CCDC83: variants seen among roughly 807,000 people sequenced by gnomAD.
The protein encoded by CCDC83 is coiled-coil domain-containing protein 83.
Under a neutral mutation model 50.1 loss-of-function variants are expected in CCDC83, and 54 were observed. The ratio of observed to expected loss-of-function variants is 1.08; its 90% CI spans 0.87 to 1.35. The LOEUF (loss-of-function observed/expected upper bound fraction) is 1.35. CCDC83 is among the 40% of genes most tolerant of loss of function. The pLI, the probability that CCDC83 is intolerant of heterozygous loss-of-function variation, is 0.00. For missense variants in CCDC83, 518 were observed against 473.9 expected, an observed-to-expected ratio of 1.09 and a Z score of -0.86; for synonymous variants, 161 against 153.3, an observed-to-expected ratio of 1.05 and a Z score of -0.37.
chr11:85,906,686 C>G (rs1247441031), intron 7 of CCDC83, among the ~76,000 whole-genome samples: 2 of 152,026 alleles, frequency 1.3e-5, no homozygotes, highest in Non-Finnish European at 2.9e-5. Flanking sequence ...TGAGACAAAC[C>G]TGGGCAATAT....
intron 3 of CCDC83, among the ~76,000 whole-genome samples, chr11:85,877,540 T>C (rs973487533): frequency 6.6e-6 from 1 of 152,224 alleles, no homozygotes; most frequent in South Asian, 2.1e-4. Context: ...TTGAAAAGAA[T>C]AGTCATTGTG....
chr11:85,869,721 A>G (rs2093226846), intron 2 of CCDC83, among the ~76,000 whole-genome samples: 1 of 152,234 alleles, frequency 6.6e-6, no homozygotes. Context: ...GTCAGATTCT[A>G]GGGCACTGAG....
chr11:85,869,421 C>T (rs926482051), intron 2 of CCDC83, among the ~76,000 whole-genome samples: 1 of 152,062 alleles, frequency 6.6e-6, no homozygotes, highest in African/African-American at 2.4e-5. Flanking sequence ...GATATAAAAA[C>T]ATGTGGGTAT....
At chr11:85,860,747 G>T (rs141366421) in intron 1 of CCDC83, among the ~76,000 whole-genome samples, 1 of 152,336 alleles carries the variant, frequency 6.6e-6, no homozygotes, top group African/African-American at 2.4e-5. Flanking sequence ...ATGCTAATCA[G>T]TGGTGGACTA....
chr11:85,901,756 C>T (rs915436650), intron 7 of CCDC83, among the ~76,000 whole-genome samples: 5 of 151,864 alleles, frequency 3.3e-5, no homozygotes, highest in African/African-American at 1.2e-4. Flanking sequence ...AGAACCAGAG[C>T]AGTGGCTCAC....
chr11:85,877,626 C>A (rs763295218), intron 3 of CCDC83, among the ~76,000 whole-genome samples: 14 of 151,986 alleles, frequency 9.2e-5, no homozygotes, highest in Non-Finnish European at 4.4e-5. Context: ...ACTAAAATTT[C>A]TTTGTATATT....
At chr11:85,880,534 C>T (rs985860936) in intron 3 of CCDC83, among the ~76,000 whole-genome samples, 12 of 152,046 alleles carry the variant, frequency 7.9e-5, no homozygotes, top group Admixed American at 5.9e-4. Flanking sequence ...CCTTGGCCTC[C>T]CAAAGTGCAG....
At chr11:85,873,902 G>A (rs1223707542) in intron 3 of CCDC83, among the ~76,000 whole-genome samples, 1 of 152,200 alleles carries the variant, frequency 6.6e-6, no homozygotes, top group Non-Finnish European at 1.5e-5. Flanking sequence ...AATACTGAGA[G>A]TGCCCCCTTT....
chr11:85,918,439 TAAA>T lies in CCDC83; in HGVS notation c.1081-907_1081-905del, dbSNP rs776086731. Among the ~76,000 whole-genome samples, 5 of 152,224 alleles carry T rather than the reference TAAA, an allele frequency of 3.3e-5. No homozygotes were observed. The East Asian group carries it at 9.7e-4, about 29-fold the overall frequency. On this transcript the variant is annotated intron_variant, in intron 10 of 10. Transcript: ENST00000342404. ...TGCTAAAGTGACGTGTCAAAGGAAT[TAAA>T]AAGCAAGAGTTATGGCATGGGAGAC...
rs1225333819 is a variant in CCDC83, at chr11:85,916,111, A to C, written c.958A>C (p.Ser320Arg). The C allele has an allele frequency of 6.2e-7, 1 of 1,613,192 alleles. No homozygotes were observed. Among genetic ancestry groups the C allele is most frequent in the Non-Finnish European group, 8.5e-7 (1 of 1,179,344 alleles). ...AGATGAGAGCACTATCTTACATCTT[A>C]GTCATGAAAATAGCATCGAAGATCT... ...SSDESTILHL[S>R]HENSIEDLQY... Residue 320 changes from serine to arginine, a missense_variant, in exon 10 of 11, where the codon AGT becomes CGT. Ser to Arg is a moderately radical substitution (Grantham distance 110). Transcript: ENST00000342404.
chr11:85,857,659 T>G (rs1453482263), intron 1 of CCDC83, among the ~76,000 whole-genome samples: 1 of 152,090 alleles, frequency 6.6e-6, no homozygotes, highest in Non-Finnish European at 1.5e-5. Context: ...TGACAACCTC[T>G]CCGGCTGCCA....
intron 7 of CCDC83, 123 bp downstream of exon 7, chr11:85,899,138 A>T: frequency 1.5e-6 from 1 of 665,706 alleles, no homozygotes; most frequent in Non-Finnish European, 2.6e-6. Context: ...AGACAAAATA[A>T]AATTCAAGTG....
chr11:85,917,200 A>AAGAG (rs1234028723), intron 10 of CCDC83, among the ~76,000 whole-genome samples: 3 of 127,576 alleles, frequency 2.4e-5, no homozygotes, highest in Non-Finnish European at 3.5e-5. Flanking sequence ...AAGAGAAAGA[A>AAGAG]AGAAAGAAGG....
At chr11:85,885,535 C>T (rs984743094) in intron 4 of CCDC83, among the ~76,000 whole-genome samples, 8 of 152,136 alleles carry the variant, frequency 5.3e-5, no homozygotes, top group African/African-American at 1.9e-4. Context: ...GATATTCGGC[C>T]TAAAGATTGA....
At position 85,909,598 on chromosome 11, in the gene CCDC83, A is replaced by AAAG. The variant is rs1410785184; in HGVS notation, c.673-1683_673-1682insAAG. 3.2e-3 allele frequency among the ~76,000 whole-genome samples: 410 copies of AAAG among 129,522 alleles called. 2 individuals are homozygous for AAAG. Among genetic ancestry groups the AAAG allele is most frequent in the Non-Finnish European group, 5.9e-3 (351 of 59,182 alleles). 85.0% of individuals were successfully genotyped at this position (129,522 alleles called of 152,430 possible). A position where few individuals can be genotyped will look rare whatever the true frequency, so the allele number is the denominator to read the frequency against. On this transcript the variant is annotated intron_variant, in intron 7 of 10. Transcript: ENST00000342404. Reference sequence around the variant, plus strand: ...ATCAAGCCCTCTTTGGACAAAAGTCATCAAAATACACTTTTTTTTTTTTTT... The same window carrying AAAG: ...ATCAAGCCCTCTTTGGACAAAAGTCAAAGTCAAAATACACTTTTTTTTTTTTTT...
chr11:85,917,169 A>AGAGAG (rs759852369), intron 10 of CCDC83, among the ~76,000 whole-genome samples: 5 of 90,200 alleles, frequency 5.5e-5, no homozygotes, highest in African/African-American at 2.2e-4. Context: ...AGAGAGAGAG[A>AGAGAG]AAGAAAGAAA....
chr11:85,917,115 GAA>G lies in CCDC83; in HGVS notation c.1080+884_1080+885del, dbSNP rs1437088627. 4.5e-5 allele frequency among the ~76,000 whole-genome samples: 5 copies of G among 110,218 alleles called. No individual in the cohort carries two copies. The East Asian group carries it at 1.4e-3, about 30-fold the overall frequency. 72.3% of individuals were successfully genotyped at this position (110,218 alleles called of 152,430 possible). A position where few individuals can be genotyped will look rare whatever the true frequency, so the allele number is the denominator to read the frequency against. ...GACAGAGCGAGACTCTGAAAAGAAA[GAA>G]AGAAAAAAGAAAAAGAAAGAGAGAG... On this transcript the variant is annotated intron_variant, in intron 10 of 10. Coordinates refer to ENST00000342404, the MANE Select transcript of CCDC83 (RefSeq NM_001286159.2).
chr11:85,916,254 A>C, intron 10 of CCDC83, 21 bp downstream of exon 10: 1 of 1,471,768 alleles, frequency 6.8e-7, no homozygotes, highest in Non-Finnish European at 9.4e-7. Context: ...TAACAACACA[A>C]CTTTGACTAC....
chr11:85,914,015 CA>C (rs1198605699), intron 8 of CCDC83, among the ~76,000 whole-genome samples: 7 of 152,140 alleles, frequency 4.6e-5, no homozygotes, highest in Non-Finnish European at 8.8e-5. Flanking sequence ...AACTAGGAAA[CA>C]AAAGAATTCT....
Sources: allele counts gnomAD v4.1 joint callset (sites outside exome capture counted in the v4.1 genomes callset), GRCh38; gene constraint gnomAD v4.1.1; transcripts MANE v1.5; gene names NCBI Gene and HGNC (gene_info 2026-07-23, HGNC 2026-07-21).